The following IL5RA variants were observed in gnomAD, a reference collection of about 807,000 sequenced individuals.
The protein encoded by IL5RA is interleukin-5 receptor subunit alpha.
In IL5RA, 49 loss-of-function variants were observed where a neutral mutation model predicts 50.0. The ratio of observed to expected loss-of-function variants is 0.98; its 90% CI spans 0.78 to 1.24. IL5RA has a LOEUF of 1.24. Among genes scored for constraint, IL5RA ranks in the 50% most tolerant of loss-of-function variants. The pLI is 0.00. For synonymous variants in IL5RA, 202 were observed against 174.0 expected (o/e 1.16, Z -1.26); for missense variants, 600 against 500.4 (o/e 1.20, Z -1.90).
At chr3:3,093,661 T>C (rs1393322721) in intron 8 of IL5RA, among the ~76,000 whole-genome samples, 1 of 152,218 alleles carries the variant, frequency 6.6e-6, no homozygotes, top group Non-Finnish European at 1.5e-5. Flanking sequence ...CCTTACAGAT[T>C]CCGTTCAATT....
At chr3:3,090,211 G>C (rs1160871183) in intron 9 of IL5RA, 2 of 1,610,416 alleles carry the variant, frequency 1.2e-6, no homozygotes, top group Non-Finnish European at 1.7e-6. Context: ...TTCAGATACG[G>C]TGTGGGGCAG....
chr3:3,107,871 C>T lies in IL5RA; in HGVS notation c.-4+679G>A, dbSNP rs577032819. On this transcript the variant is annotated intron_variant, in intron 2 of 11. Transcript: ENST00000446632. ...GACAATTAGCAGTGGATTTCCCCAG[C>T]GTTCTTGAGAACTGGTCAAATTCTA... is the stretch of plus-strand genomic sequence containing the variant. 4.6e-5 allele frequency among the ~76,000 whole-genome samples: 7 copies of T among 152,316 alleles called. No homozygotes were observed. The South Asian group carries it at 6.2e-4, about 14-fold the overall frequency.
chr3:3,077,147 T>A (rs1380550402), intron 9 of IL5RA, among the ~76,000 whole-genome samples: 1 of 152,178 alleles, frequency 6.6e-6, no homozygotes, highest in Non-Finnish European at 1.5e-5. Flanking sequence ...TTAAATATCT[T>A]CAAAGCACCC....
In IL5RA at chr3:3,070,036, G is replaced by A. The variant is rs961207961; in HGVS notation, c.*189C>T. On this transcript the variant is annotated 3_prime_UTR_variant, in exon 12 of 12. Transcript: ENST00000446632. ...ATGAGTCAACTTCCCTGCTGTAGGT[G>A]AGGCGATTTGGATGAAGCATCCATA... is the stretch of plus-strand genomic sequence containing the variant. 3.7e-6 allele frequency: 2 copies of A among 535,578 alleles called. No homozygotes were observed. Among genetic ancestry groups the A allele is most frequent in the East Asian group, 3.2e-5 (1 of 30,818 alleles). 33.2% of individuals were successfully genotyped at this position (535,578 alleles called of 1,614,324 possible). A position where few individuals can be genotyped will look rare whatever the true frequency, so the allele number is the denominator to read the frequency against.
At chr3:3,101,183 A>T (rs974083795) in intron 5 of IL5RA, among the ~76,000 whole-genome samples, 6 of 76,886 alleles carry the variant, frequency 7.8e-5, no homozygotes, top group African/African-American at 3.1e-4. Flanking sequence ...TATCTCAAAA[A>T]AAAAAAAAAA....
chr3:3,098,723 A>G (rs1041175183), intron 5 of IL5RA, among the ~76,000 whole-genome samples: 1 of 152,134 alleles, frequency 6.6e-6, no homozygotes, highest in African/African-American at 2.4e-5. Flanking sequence ...ATATTTCTAG[A>G]AACCTACTAA....
At chr3:3,087,511 A>G (rs1007685545) in intron 9 of IL5RA, among the ~76,000 whole-genome samples, 3 of 152,198 alleles carry the variant, frequency 2.0e-5, no homozygotes, top group Non-Finnish European at 4.4e-5. Flanking sequence ...ATCTATTCTA[A>G]TTCACTGATT....
intron 9 of IL5RA, among the ~76,000 whole-genome samples, chr3:3,081,012 T>C (rs17886032): frequency 5.4e-4 from 82 of 152,264 alleles, no homozygotes; most frequent in African/African-American, 1.9e-3. Context: ...CTATAGTATT[T>C]TTTTTCAAGT....
chr3:3,104,820 A>G lies in IL5RA; in HGVS notation c.82+83T>C. The G allele has an allele frequency of 6.2e-6, 5 of 805,656 alleles. No homozygotes were observed. The South Asian group carries it at 8.2e-5, about 13-fold the overall frequency. 49.9% of individuals were successfully genotyped at this position (805,656 alleles called of 1,614,324 possible). A position where few individuals can be genotyped will look rare whatever the true frequency, so the allele number is the denominator to read the frequency against. On this transcript the variant is annotated intron_variant, in intron 3 of 11. Coordinates refer to ENST00000446632, the MANE Select transcript of IL5RA (RefSeq NM_175726.4). ...AAATCCATATATAATGTTCTAATCG[A>G]CAGTTTAAGAGGAAATAATGTTATC...
chr3:3,097,759 GCTTA>G, intron 7 of IL5RA, 107 bp downstream of exon 7: 1 of 1,179,654 alleles, frequency 8.5e-7, no homozygotes, highest in Non-Finnish European at 1.2e-6. Context: ...TGGGTCTGAT[GCTTA>G]CTTGGCATCA....
At position 3,074,854 on chromosome 3, in the gene IL5RA, C is replaced by T; in HGVS notation, c.1104G>A (p.Trp368Ter). The T allele has an allele frequency of 6.2e-7, 1 of 1,603,522 alleles. No homozygotes were observed. The change falls in exon 11 of 12, where the codon TGG (tryptophan) becomes TGA (stop). Residue 368 changes from tryptophan (W) to a stop codon, truncating the protein, a stop_gained. Transcript: ENST00000446632. LOFTEE classifies it high-confidence loss of function. ...CTGGAATTGGTGGAAACAACTTGAT[C>T]CATAAATGACATCTGAAAACAGAGT... ...LSLICKICHL[W>*]IKLFPPIPAP...
rs375213834 is a variant in IL5RA, at chr3:3,076,510, G to A, written c.1091+21C>T. 28 of 1,484,504 alleles carry A rather than the reference G, an allele frequency of 1.9e-5. No homozygotes were observed. In the African/African-American group the frequency reaches 2.9e-4, roughly 15 times the overall value. The allele number at this position is 1,484,504 out of a possible 1,614,324, so 92.0% of individuals were successfully genotyped here. A position where few individuals can be genotyped will look rare whatever the true frequency, so the allele number is the denominator to read the frequency against. ...AGTACTGAAACCCCACTGCAAGCAC[G>A]CAAATGTAAAGAACACTTACATTTT... On this transcript the variant is annotated intron_variant, in intron 10 of 11. Coordinates refer to ENST00000446632, the MANE Select transcript of IL5RA (RefSeq NM_175726.4).
At chr3:3,078,397 G>A (rs1352268707) in intron 9 of IL5RA, among the ~76,000 whole-genome samples, 2 of 152,118 alleles carry the variant, frequency 1.3e-5, no homozygotes, top group Admixed American at 1.3e-4. Flanking sequence ...TCTACCTCCC[G>A]AAAGTTTTAA....
chr3:3,097,999 T>C lies in IL5RA; in HGVS notation c.580A>G (p.Ile194Val). ...AAAGTCCTGGGAAACCAGCATGCGA[T>C]ATTTCTCCCCAGTGTGTCTTTGCTG... ...EYSKDTLGRN[I>V]ACWFPRTFIL... is the part of the protein sequence containing the mutation. The change falls in exon 7 of 12, where the codon ATC becomes GTC. Residue 194 changes from isoleucine (I) to valine (V), a missense_variant. Ile to Val is a conservative substitution (Grantham distance 29). Coordinates refer to ENST00000446632, the MANE Select transcript of IL5RA (RefSeq NM_175726.4). 2 of 1,614,186 alleles carry C rather than the reference T, an allele frequency of 1.2e-6. No homozygotes were observed. The highest frequency in any genetic ancestry group is 1.1e-5 in the South Asian group (1 of 91,084).
At position 3,092,174 on chromosome 3, in the gene IL5RA, T is replaced by C; in HGVS notation, c.994+50A>G. 1.9e-6 allele frequency: 3 copies of C among 1,596,448 alleles called. No homozygotes were observed. Among genetic ancestry groups the C allele is most frequent in the Non-Finnish European group, 2.6e-6 (3 of 1,172,480 alleles). On this transcript the variant is annotated intron_variant, in intron 9 of 11. Coordinates refer to ENST00000446632, the MANE Select transcript of IL5RA (RefSeq NM_175726.4). This position sits in a 1 kb window ranked among gnomAD's most constrained non-coding sequence, Gnocchi z 4.2. ...ACGGGTACGTTTCTGGGATTACCTT[T>C]TTTGATCACAAGGAAGGCTGCCAAT... is the stretch of plus-strand genomic sequence containing the variant.
Position 3,076,544 on chromosome 3 carries a change from G to A in IL5RA, c.1078C>T (p.Leu360Phe). Residue 360 changes from leucine to phenylalanine, a missense_variant, in exon 10 of 12, where the codon CTT (leucine) becomes TTT (phenylalanine). Coordinates refer to ENST00000446632, the MANE Select transcript of IL5RA (RefSeq NM_175726.4). Reference sequence around the variant, plus strand: ...AAGAACACTTACATTTTACAGATAAGCGAGAGAATTAACAAGATGAAGCAG... The same window carrying A: ...AAGAACACTTACATTTTACAGATAAACGAGAGAATTAACAAGATGAAGCAG... ...TICFILLILS[L>F]ICKICHLWIK... 6.2e-7 allele frequency: 1 copy of A among 1,605,504 alleles called. No homozygotes were observed.
intron 9 of IL5RA, among the ~76,000 whole-genome samples, chr3:3,077,234 T>C (rs1299465324): frequency 1.3e-5 from 2 of 152,254 alleles, no homozygotes; most frequent in Non-Finnish European, 1.5e-5. Flanking sequence ...CAGTATTTTG[T>C]ATGCCACTTA....
At chr3:3,084,716 C>A (rs1205525245) in intron 9 of IL5RA, among the ~76,000 whole-genome samples, 1 of 152,232 alleles carries the variant, frequency 6.6e-6, no homozygotes. Flanking sequence ...TGGAGCCAAT[C>A]CTCTAGCTGT....
At chr3:3,076,204 C>G (rs908485888) in intron 10 of IL5RA, among the ~76,000 whole-genome samples, 1 of 152,110 alleles carries the variant, frequency 6.6e-6, no homozygotes, top group Non-Finnish European at 1.5e-5. Context: ...CCTAGACAGC[C>G]AAGGACCGAG....
Sources: gnomAD v4.1 joint callset for allele counts (sites outside exome capture counted in the v4.1 genomes callset) on GRCh38, gnomAD v4.1.1 for gene constraint, Gnocchi (gnomAD v3.1) non-coding constraint, MANE v1.5 for transcripts, NCBI Gene and HGNC (gene_info 2026-07-23, HGNC 2026-07-21) for gene names.